PLIN3: variants seen among roughly 807,000 people sequenced by gnomAD.
PLIN3 encodes the protein perilipin 3.
A neutral mutation model predicts 35.9 loss-of-function variants in PLIN3; 30 were observed. That is an observed-to-expected ratio of 0.84 (90% CI 0.62 to 1.13). The LOEUF is 1.13. Among genes scored for constraint, PLIN3 ranks in the 50% most tolerant of loss-of-function variants. The pLI, the probability that PLIN3 is intolerant of heterozygous loss-of-function variation, is 0.00. For missense variants in PLIN3, 603 were observed against 596.9 expected, an observed-to-expected ratio of 1.01 and a Z score of -0.11; for synonymous variants, 261 against 262.5, an observed-to-expected ratio of 0.99 and a Z score of 0.06.
At chr19:4,859,730 C>T in intron 3 of PLIN3, 58 bp from the exon 4 acceptor site, 4 of 1,602,320 alleles carry the variant, frequency 2.5e-6, no homozygotes, top group Non-Finnish European at 3.4e-6. Context: ...AGTAATGGTT[C>T]AGGGGGACAG....
chr19:4,852,229 C>T lies in PLIN3; in HGVS notation c.421G>A (p.Asp141Asn). ...TCCGACAATTGGGTGGCCACCGTGT[C>T]CTTGGCGCTAGACACCATCTCTTGG... is the stretch of plus-strand genomic sequence containing the variant. Reference protein sequence around the residue: ...GAQEMVSSAKDTVATQLSEAV... With the variant: ...GAQEMVSSAKNTVATQLSEAV... Residue 141 changes from aspartate to asparagine, a missense_variant, in exon 5 of 8, where the codon GAC becomes AAC. Asp to Asn is a conservative substitution (Grantham distance 23, BLOSUM62 1). Transcript: ENST00000221957. The T allele has an allele frequency of 6.2e-7, 1 of 1,610,646 alleles. No homozygotes were observed. Among genetic ancestry groups the T allele is most frequent in the Non-Finnish European group, 8.5e-7 (1 of 1,180,010 alleles).
At chr19:4,862,798 T>G (rs1387270670) in intron 1 of PLIN3, among the ~76,000 whole-genome samples, 1 of 152,184 alleles carries the variant, frequency 6.6e-6, no homozygotes, top group East Asian at 1.9e-4. Context: ...AGCAGAGCTG[T>G]GTGGACTTAC....
At chr19:4,843,494 C>T (rs893471800) in intron 7 of PLIN3, among the ~76,000 whole-genome samples, 39 of 103,614 alleles carry the variant, frequency 3.8e-4, no homozygotes, top group African/African-American at 1.2e-3. Flanking sequence ...GGTGACAGAG[C>T]GAGACTCCAT....
At chr19:4,849,506 A>T (rs969049382) in intron 5 of PLIN3, among the ~76,000 whole-genome samples, 4 of 152,078 alleles carry the variant, frequency 2.6e-5, no homozygotes, top group Admixed American at 2.6e-4. Context: ...GATGGGGTCT[A>T]TGTTGTCCAG....
chr19:4,850,279 A>G (rs1307377863), intron 5 of PLIN3, among the ~76,000 whole-genome samples: 1 of 142,944 alleles, frequency 7.0e-6, no homozygotes, highest in African/African-American at 2.6e-5. Flanking sequence ...TACTGTACCC[A>G]TGCTTTTTTT....
At chr19:4,841,478 GA>G (rs2029890371) in intron 7 of PLIN3, among the ~76,000 whole-genome samples, 1 of 152,084 alleles carries the variant, frequency 6.6e-6, no homozygotes, top group East Asian at 1.9e-4. Context: ...CTGCTGATGG[GA>G]AAAGGGTTTC....
chr19:4,839,752 G>A lies in PLIN3; in HGVS notation c.961-216C>T, dbSNP rs915096554. Among the ~76,000 whole-genome samples, 88 of 144,392 alleles carry A rather than the reference G, an allele frequency of 6.1e-4. 1 individual carries two copies. The highest frequency in any genetic ancestry group is 3.5e-3 in the East Asian group (18 of 5,100). 94.7% of individuals were successfully genotyped at this position (144,392 alleles called of 152,430 possible). On this transcript the variant is annotated intron_variant, in intron 7 of 7. Transcript: ENST00000221957. ...ACAATCTCAACTCACTGCAAGCTCCGCCTCTCAGGTTCGCGCCATTCTCCT... is the reference window on the plus strand; with the variant it reads ...ACAATCTCAACTCACTGCAAGCTCCACCTCTCAGGTTCGCGCCATTCTCCT...
intron 7 of PLIN3, among the ~76,000 whole-genome samples, chr19:4,842,515 G>T (rs890982286): frequency 2.7e-5 from 4 of 147,500 alleles, no homozygotes; most frequent in East Asian, 4.0e-4. Flanking sequence ...CAGGAGAATC[G>T]CTTGAACCCG....
At position 4,859,912 on chromosome 19, in the gene PLIN3, C is replaced by T; in HGVS notation, c.179G>A (p.Cys60Tyr). The part of the protein sequence containing the change: ...KESYPHIKTV[C>Y]DAAEKGVRTL... ...CCTCACTCCCTTCTCTGCTGCGTCG[C>T]AGACAGTCTTGATGTGCGGGTAGCT... The change falls in exon 3 of 8, where the codon TGC becomes TAC. Residue 60 changes from cysteine (C) to tyrosine (Y), a missense_variant. Coordinates refer to ENST00000221957, the MANE Select transcript of PLIN3 (RefSeq NM_005817.5). 1 of 1,613,996 alleles carries T rather than the reference C, an allele frequency of 6.2e-7. No homozygotes were observed. The highest frequency in any genetic ancestry group is 1.1e-5 in the South Asian group (1 of 91,070).
intron 5 of PLIN3, among the ~76,000 whole-genome samples, chr19:4,849,532 C>CT (rs2030216020): frequency 6.6e-6 from 1 of 152,114 alleles, no homozygotes; most frequent in Non-Finnish European, 1.5e-5. Context: ...TCTGGAACTA[C>CT]TGGGCTTAAC....
Position 4,859,574 on chromosome 19 carries a change from G to A in PLIN3, c.348+16C>T, listed in dbSNP as rs757008535. 29 of 1,609,594 alleles carry A rather than the reference G, an allele frequency of 1.8e-5. No homozygotes were observed. The highest frequency in any genetic ancestry group is 2.5e-5 in the Non-Finnish European group (29 of 1,176,014). ...GTCCCTGTCTCGACAGAGCCCCTGA[G>A]GACGGACATCGTTACCTTCTCCGTG... is the stretch of plus-strand genomic sequence containing the variant. On this transcript the variant is annotated intron_variant, in intron 4 of 7. Coordinates refer to ENST00000221957, the MANE Select transcript of PLIN3 (RefSeq NM_005817.5).
chr19:4,858,700 GGT>G (rs1491255064), intron 4 of PLIN3, among the ~76,000 whole-genome samples: 4 of 27,762 alleles, frequency 1.4e-4, no homozygotes, highest in Non-Finnish European at 3.8e-4. Context: ...GTGTTTTTTT[GGT>G]TTTTTTTTTT....
intron 4 of PLIN3, among the ~76,000 whole-genome samples, chr19:4,854,106 T>C (rs2030394543): frequency 6.6e-6 from 1 of 151,630 alleles, no homozygotes; most frequent in Non-Finnish European, 1.5e-5. Context: ...CTTATTTTTT[T>C]ATTTTTTGTA....
chr19:4,859,930 G>A lies in PLIN3; in HGVS notation c.161C>T (p.Pro54Leu), dbSNP rs764459098. Reference sequence around the variant, plus strand: ...TGCGTCGCAGACAGTCTTGATGTGCGGGTAGCTCTCCTTGGTGGAGGCATA... The same window carrying A: ...TGCGTCGCAGACAGTCTTGATGTGCAGGTAGCTCTCCTTGGTGGAGGCATA... ...AAYASTKESYPHIKTVCDAAE... is the reference protein window; with the variant it reads ...AAYASTKESYLHIKTVCDAAE... The change falls in exon 3 of 8, where the codon CCG (proline) becomes CTG (leucine). Residue 54 changes from proline (P) to leucine (L), a missense_variant. Coordinates refer to ENST00000221957, the MANE Select transcript of PLIN3 (RefSeq NM_005817.5). 15 of 1,613,930 alleles carry A rather than the reference G, an allele frequency of 9.3e-6. No individual in the cohort carries two copies. The highest frequency in any genetic ancestry group is 3.3e-5 in the Admixed American group (2 of 59,958).
chr19:4,850,589 T>TC (rs2030256651), intron 5 of PLIN3, among the ~76,000 whole-genome samples: 1 of 19,926 alleles, frequency 5.0e-5, no homozygotes, highest in Non-Finnish European at 1.3e-4. Flanking sequence ...CCCGGCTAAT[T>TC]TTTTTTTTTT....
chr19:4,849,702 G>A (rs182638723), intron 5 of PLIN3, among the ~76,000 whole-genome samples: 120 of 152,212 alleles, frequency 7.9e-4, no homozygotes, highest in African/African-American at 2.7e-3. Flanking sequence ...GCCCAGGCTG[G>A]AGTGCAATGG....
At chr19:4,865,939 C>T (rs1306727839) in intron 1 of PLIN3, among the ~76,000 whole-genome samples, 1 of 150,076 alleles carries the variant, frequency 6.7e-6, no homozygotes. Flanking sequence ...TAGCCAGGAT[C>T]GTCTCGATCT....
At position 4,839,368 on chromosome 19, in the gene PLIN3, G is replaced by A. The variant is rs770818599; in HGVS notation, c.1129C>T (p.His377Tyr). The A allele has an allele frequency of 1.3e-5, 21 of 1,613,558 alleles. No homozygotes were observed. Among genetic ancestry groups the A allele is most frequent in the Non-Finnish European group, 1.8e-5 (21 of 1,179,558 alleles). Residue 377 changes from histidine (H) to tyrosine (Y), a missense_variant, in exon 8 of 8, where the codon CAC becomes TAC. Physicochemically the swap from His to Tyr is moderately conservative, Grantham distance 83. Transcript: ENST00000221957. The part of the protein sequence containing the change: ...EDLQATFSSI[H>Y]SFQDLSSSIL... ...CTGCTGGACAGGTCCTGGAAGGAGT[G>A]GATGCTGGAAAACGTGGCCTGGAGG...
At chr19:4,856,830 C>T (rs1301889249) in intron 4 of PLIN3, among the ~76,000 whole-genome samples, 2 of 151,542 alleles carry the variant, frequency 1.3e-5, no homozygotes, top group South Asian at 2.1e-4. Context: ...CTCAGCCTCC[C>T]GAGTAGCTGA....
Sources: allele counts gnomAD v4.1 joint callset (sites outside exome capture counted in the v4.1 genomes callset), GRCh38; gene constraint gnomAD v4.1.1; transcripts MANE v1.5; gene names NCBI Gene and HGNC (gene_info 2026-07-23, HGNC 2026-07-21).